The following KCNC2 variants were observed in gnomAD, a reference collection of about 807,000 sequenced individuals.
The protein encoded by KCNC2 is voltage-gated potassium channel KCNC2.
Under a neutral mutation model 44.5 loss-of-function variants are expected in KCNC2, and 21 were observed. The ratio of observed to expected loss-of-function variants is 0.47; its 90% CI spans 0.33 to 0.68. The LOEUF is 0.68. Among genes scored for constraint, KCNC2 ranks in the 30% least tolerant of loss-of-function variants. The probability of loss-of-function intolerance (pLI) is 0.01; values close to 1 mark genes in which losing one functional copy is unlikely to be tolerated. For missense variants in KCNC2, 589 were observed against 826.2 expected, an observed-to-expected ratio of 0.71 and a Z score of 3.52; for synonymous variants, 391 against 339.1, an observed-to-expected ratio of 1.15 and a Z score of -1.68.
intron 2 of KCNC2, among the ~76,000 whole-genome samples, chr12:75,182,520 C>CAAAAAAAAAAAAAAAAAAAAAAA (rs71438888): frequency 2.5e-5 from 2 of 81,418 alleles, no homozygotes; most frequent in Non-Finnish European, 5.1e-5. Flanking sequence ...GATTCCGTCT[C>CAAAAAAAAAAAAAAAAAAAAAAA]AAAAAAAAAA....
At chr12:75,043,795 G>A in intron 4 of KCNC2, 2 of 1,501,322 alleles carry the variant, frequency 1.3e-6, no homozygotes, top group Non-Finnish European at 1.8e-6. Flanking sequence ...ATGTAGGATG[G>A]AATGCCCATT....
At chr12:75,129,550 G>C (rs2137331164) in intron 2 of KCNC2, among the ~76,000 whole-genome samples, 1 of 152,174 alleles carries the variant, frequency 6.6e-6, no homozygotes, top group South Asian at 2.1e-4. Context: ...TATTCTTTTG[G>C]TTCCTTTGTC....
intron 2 of KCNC2, among the ~76,000 whole-genome samples, chr12:75,184,765 C>T (rs1892820454): frequency 6.6e-6 from 1 of 152,146 alleles, no homozygotes; most frequent in African/African-American, 2.4e-5. Flanking sequence ...GCAAAATATT[C>T]ATCCAGTTCT....
At chr12:75,168,623 AT>A (rs1210940134) in intron 2 of KCNC2, among the ~76,000 whole-genome samples, 1 of 151,534 alleles carries the variant, frequency 6.6e-6, no homozygotes, top group South Asian at 2.1e-4. Context: ...ACTTAAAAAA[AT>A]TTTTTTGACA....
Position 75,207,718 on chromosome 12 carries a change from C to T in KCNC2, c.266G>A (p.Gly89Asp). 6.3e-7 allele frequency: 1 copy of T among 1,577,684 alleles called. No individual in the cohort carries two copies. ...ACCGGGATGGTCGCTGGCCCTGCCG[C>T]CGCGGGAACTGCAGTTGCCCGCGCC... ...EGGAGNCSSR[G>D]GRASDHPGGG... The change falls in exon 2 of 5, where the codon GGC becomes GAC. Residue 89 changes from glycine (G) to aspartate (D), a missense_variant. By Grantham distance (94) the Gly-to-Asp change is moderately conservative (BLOSUM62 -1). Transcript: ENST00000549446. This position sits in a 1 kb window ranked among gnomAD's most constrained non-coding sequence, Gnocchi z 4.1.
chr12:75,136,726 A>G (rs1387390367), intron 2 of KCNC2, among the ~76,000 whole-genome samples: 1 of 152,108 alleles, frequency 6.6e-6, no homozygotes, highest in African/African-American at 2.4e-5. Flanking sequence ...AGATGGATTC[A>G]CAACTGAGTT....
At chr12:75,088,389 T>C (rs1885198670) in intron 2 of KCNC2, among the ~76,000 whole-genome samples, 1 of 152,106 alleles carries the variant, frequency 6.6e-6, no homozygotes, top group South Asian at 2.1e-4. Context: ...AAACTATTAG[T>C]ATGTTGTACA....
chr12:75,133,883 T>C (rs1889034769), intron 2 of KCNC2, among the ~76,000 whole-genome samples: 1 of 151,154 alleles, frequency 6.6e-6, no homozygotes, highest in African/African-American at 2.4e-5. Context: ...TTGCTTTAAA[T>C]AGAATAACAG....
chr12:75,112,779 T>C (rs1263562356), intron 2 of KCNC2, among the ~76,000 whole-genome samples: 5 of 152,008 alleles, frequency 3.3e-5, no homozygotes, highest in Non-Finnish European at 7.4e-5. Flanking sequence ...AATAATCTAA[T>C]AGACATATTA....
chr12:75,057,862 C>A (rs546405627), intron 2 of KCNC2, among the ~76,000 whole-genome samples: 8 of 151,270 alleles, frequency 5.3e-5, no homozygotes, highest in African/African-American at 1.7e-4. Context: ...ATATCTTCTA[C>A]CATGTTTTCT....
chr12:75,150,196 A>T (rs558859726), intron 2 of KCNC2, among the ~76,000 whole-genome samples: 1 of 152,026 alleles, frequency 6.6e-6, no homozygotes, highest in East Asian at 1.9e-4. Flanking sequence ...TCAGAAACCT[A>T]TTTATTCTCA....
rs1465506439 is a variant in KCNC2 at position 75,198,874 on chromosome 12, T to C, written c.687+8423A>G. Among the ~76,000 whole-genome samples, 3 of 151,754 alleles carry C rather than the reference T, an allele frequency of 2.0e-5. No homozygotes were observed. In the East Asian group the frequency reaches 5.8e-4, roughly 29 times the overall value. Reference sequence around the variant, plus strand: ...GACAAAAAACTCAAAAAAATTTATATTGGTCCAAATAGTTTTTGCTTAAAC... The same window carrying C: ...GACAAAAAACTCAAAAAAATTTATACTGGTCCAAATAGTTTTTGCTTAAAC... On this transcript the variant is annotated intron_variant, in intron 2 of 4. Transcript: ENST00000549446.
intron 2 of KCNC2, among the ~76,000 whole-genome samples, chr12:75,104,458 T>C (rs73353794): frequency 0.027 from 4,126 of 151,912 alleles, 210 homozygotes; most frequent in African/African-American, 0.093. Context: ...AGTGAAGCCA[T>C]GGAAAAGGGA....
chr12:75,131,029 C>A (rs1888807950), intron 2 of KCNC2, among the ~76,000 whole-genome samples: 1 of 151,992 alleles, frequency 6.6e-6, no homozygotes, highest in Non-Finnish European at 1.5e-5. Context: ...TGAGAAAAGG[C>A]CTGAGGCTTG....
In KCNC2 at chr12:75,050,479, C is replaced by A. The variant is rs1176921109; in HGVS notation, c.1526G>T (p.Cys509Phe). ...GCAGGCCATATTTAATTCTGTCTTGCAAAAAGTAGGTGAGCTTGCCTGAGG... is the reference window on the plus strand; with the variant it reads ...GCAGGCCATATTTAATTCTGTCTTGAAAAAAGTAGGTGAGCTTGCCTGAGG... ...PAPQASSPTF[C>F]KTELNMACNS... is the part of the protein sequence containing the mutation. The change falls in exon 3 of 5, where the codon TGC becomes TTC. Residue 509 changes from cysteine (C) to phenylalanine (F), a missense_variant. Coordinates refer to ENST00000549446, the MANE Select transcript of KCNC2 (RefSeq NM_139137.4). 4.3e-6 allele frequency: 7 copies of A among 1,613,656 alleles called. No homozygotes were observed. Among genetic ancestry groups the A allele is most frequent in the Non-Finnish European group, 5.9e-6 (7 of 1,179,766 alleles).
intron 2 of KCNC2, among the ~76,000 whole-genome samples, chr12:75,182,614 C>T (rs1316353919): frequency 1.3e-5 from 2 of 151,348 alleles, no homozygotes; most frequent in Non-Finnish European, 2.9e-5. Context: ...GTCTCTTACT[C>T]AAAACCTTGA....
intron 4 of KCNC2, among the ~76,000 whole-genome samples, chr12:75,045,819 T>C (rs544049076): frequency 1.3e-5 from 2 of 152,038 alleles, no homozygotes; most frequent in East Asian, 3.9e-4. Flanking sequence ...ATATGCCCAA[T>C]TACGTTCATA....
chr12:75,062,293 A>T (rs578231689), intron 2 of KCNC2, among the ~76,000 whole-genome samples: 126 of 152,208 alleles, frequency 8.3e-4, no homozygotes, highest in African/African-American at 3.0e-3. Context: ...TAGACTGATA[A>T]AATAGTGTTT....
intron 2 of KCNC2, among the ~76,000 whole-genome samples, chr12:75,073,771 A>G (rs1161363497): frequency 2.6e-5 from 4 of 152,182 alleles, no homozygotes; most frequent in Non-Finnish European, 5.9e-5. Context: ...ACATAAATTT[A>G]TGGGCTATCT....
Sources: allele counts gnomAD v4.1 joint callset (sites outside exome capture counted in the v4.1 genomes callset), GRCh38; gene constraint gnomAD v4.1.1; non-coding constraint Gnocchi (gnomAD v3.1); transcripts MANE v1.5; gene names NCBI Gene and HGNC (gene_info 2026-07-23, HGNC 2026-07-21).